TCERG1L: variants seen among roughly 807,000 people sequenced by gnomAD.
TCERG1L encodes transcription elongation regulator 1 like, also known as transcription elongation regulator 1-like protein.
Under a neutral mutation model 56.3 loss-of-function variants are expected in TCERG1L, and 37 were observed. The observed-to-expected ratio is 0.66, with a 90% CI of 0.51 to 0.87. The LOEUF is 0.87. TCERG1L is among the 40% of genes least tolerant of loss of function. The probability of loss-of-function intolerance (pLI) is 0.00; values close to 1 mark genes in which losing one functional copy is unlikely to be tolerated. For missense variants in TCERG1L, 799 were observed against 774.2 expected, an observed-to-expected ratio of 1.03 and a Z score of -0.38; for synonymous variants, 324 against 326.3, an observed-to-expected ratio of 0.99 and a Z score of 0.08.
intron 9 of TCERG1L, among the ~76,000 whole-genome samples, chr10:131,109,717 T>C (rs1443244129): frequency 2.6e-5 from 4 of 152,198 alleles, no homozygotes; most frequent in African/African-American, 9.7e-5. Context: ...GTTGTGCCCT[T>C]TCTTCCACTC....
rs147204742 is a variant in TCERG1L at position 131,093,268 on chromosome 10, C to T, written c.1655G>A (p.Arg552Gln). Residue 552 changes from arginine to glutamine, a missense_variant, in exon 12 of 12, where the codon CGA becomes CAA. Physicochemically the swap from Arg to Gln is conservative, Grantham distance 43. Coordinates refer to ENST00000368642, the MANE Select transcript of TCERG1L (RefSeq NM_174937.4). ...CTGGTCCTTTCTTTTTTGAACAAGT[C>T]GGAACCTCTGATCCCGGCCGTATTT... ...AEKYGRDQRF[R>Q]LVQKRKDQEH... The T allele has an allele frequency of 1.5e-4, 247 of 1,613,920 alleles. 1 individual carries two copies. In the East Asian group the frequency reaches 2.5e-3, roughly 16 times the overall value.
chr10:131,207,330 G>A (rs532045826), intron 4 of TCERG1L, among the ~76,000 whole-genome samples: 2 of 152,196 alleles, frequency 1.3e-5, no homozygotes, highest in Admixed American at 6.5e-5. Context: ...GGTTTCACGC[G>A]CAGGCCTGGT....
At chr10:131,266,641 A>C (rs1319143304) in intron 3 of TCERG1L, among the ~76,000 whole-genome samples, 1 of 152,116 alleles carries the variant, frequency 6.6e-6, no homozygotes, top group East Asian at 1.9e-4. Flanking sequence ...AGCAGAGAGG[A>C]GGCCCTGGAA....
intron 4 of TCERG1L, among the ~76,000 whole-genome samples, chr10:131,199,908 G>A (rs182211887): frequency 3.8e-4 from 58 of 152,288 alleles, no homozygotes; most frequent in African/African-American, 1.3e-3. Context: ...GTGTCCCGGC[G>A]GCTGCCCTCA....
intron 8 of TCERG1L, among the ~76,000 whole-genome samples, chr10:131,124,272 T>C (rs573803935): frequency 1.3e-5 from 2 of 152,268 alleles, no homozygotes; most frequent in Non-Finnish European, 2.9e-5. Flanking sequence ...ACTAGCATCC[T>C]ATGCAGCCGA....
At chr10:131,212,514 C>A (rs557590753) in intron 4 of TCERG1L, among the ~76,000 whole-genome samples, 9 of 152,240 alleles carry the variant, frequency 5.9e-5, no homozygotes, top group Non-Finnish European at 1.2e-4. Flanking sequence ...AATAATTAGG[C>A]CTTACCTAAA....
chr10:131,108,689 G>A (rs1845378657), intron 9 of TCERG1L, among the ~76,000 whole-genome samples: 1 of 152,208 alleles, frequency 6.6e-6, no homozygotes, highest in South Asian at 2.1e-4. Flanking sequence ...TGTGGGTCCT[G>A]AGTCCAGCAT....
chr10:131,195,295 T>G (rs1845346908), intron 4 of TCERG1L, among the ~76,000 whole-genome samples: 1 of 152,206 alleles, frequency 6.6e-6, no homozygotes, highest in Non-Finnish European at 1.5e-5. Flanking sequence ...GTCTTCCTTT[T>G]GCACCTGTGC....
chr10:131,142,797 C>G lies in TCERG1L; in HGVS notation c.1189+3709G>C, dbSNP rs1564800245. Reference sequence around the variant, plus strand: ...GCACGGGCCACAGATTCATGCCCCCCACCATTCCCAAGCAATGTCCACATC... The same window carrying G: ...GCACGGGCCACAGATTCATGCCCCCGACCATTCCCAAGCAATGTCCACATC... On this transcript the variant is annotated intron_variant, in intron 7 of 11. Coordinates refer to ENST00000368642, the MANE Select transcript of TCERG1L (RefSeq NM_174937.4). 2.0e-5 allele frequency among the ~76,000 whole-genome samples: 3 copies of G among 152,338 alleles called. No individual in the cohort carries two copies. The East Asian group carries it at 5.8e-4, about 29-fold the overall frequency.
intron 4 of TCERG1L, among the ~76,000 whole-genome samples, chr10:131,258,914 C>A (rs1314728450): frequency 6.6e-6 from 1 of 152,060 alleles, no homozygotes; most frequent in Non-Finnish European, 1.5e-5. Flanking sequence ...GTAAGTCACC[C>A]CTAATACATG....
intron 3 of TCERG1L, among the ~76,000 whole-genome samples, chr10:131,263,396 C>G (rs190805600): frequency 1.3e-5 from 2 of 152,326 alleles, no homozygotes; most frequent in Admixed American, 1.3e-4. Flanking sequence ...AACTCCCCCA[C>G]TGAACACTGT....
At chr10:131,096,532 T>C (rs1845248693) in intron 11 of TCERG1L, among the ~76,000 whole-genome samples, 1 of 152,206 alleles carries the variant, frequency 6.6e-6, no homozygotes, top group African/African-American at 2.4e-5. Context: ...GTCACCTAAT[T>C]CTTGATCAAC....
In TCERG1L at chr10:131,243,683, C is replaced by T. The variant is rs188176654; in HGVS notation, c.856+16576G>A. On this transcript the variant is annotated intron_variant, in intron 4 of 11. Transcript: ENST00000368642. ...AAACATGGTCCTGATGTGAGAGGCA[C>T]GTGACCAGACACCCTCTGTTCACCA... 1.4e-3 allele frequency among the ~76,000 whole-genome samples: 220 copies of T among 152,350 alleles called. 1 individual carries two copies. Among genetic ancestry groups the T allele is most frequent in the African/African-American group, 4.9e-3 (205 of 41,578 alleles).
intron 3 of TCERG1L, among the ~76,000 whole-genome samples, chr10:131,281,669 CT>C (rs1466987352): frequency 3.9e-5 from 6 of 152,278 alleles, no homozygotes; most frequent in Admixed American, 6.5e-5. Flanking sequence ...CACAGTCCCC[CT>C]GGCTACTCTC....
intron 4 of TCERG1L, among the ~76,000 whole-genome samples, chr10:131,167,584 C>G (rs1326339301): frequency 1.3e-5 from 2 of 152,226 alleles, no homozygotes; most frequent in Non-Finnish European, 2.9e-5. Context: ...TGTAGGACAA[C>G]AGAACCAGCC....
At chr10:131,165,199 T>A (rs1846018514) in intron 5 of TCERG1L, among the ~76,000 whole-genome samples, 1 of 152,086 alleles carries the variant, frequency 6.6e-6, no homozygotes, top group African/African-American at 2.4e-5. Context: ...CCAGAGTGAG[T>A]GGCCCATGTT....
At chr10:131,194,357 G>A (rs769800320) in intron 4 of TCERG1L, among the ~76,000 whole-genome samples, 31 of 152,172 alleles carry the variant, frequency 2.0e-4, no homozygotes, top group Non-Finnish European at 4.3e-4. Flanking sequence ...GATTAAAAAA[G>A]GCACCCGAAT....
intron 9 of TCERG1L, among the ~76,000 whole-genome samples, chr10:131,111,872 G>C (rs1038470675): frequency 2.1e-5 from 3 of 143,432 alleles, no homozygotes; most frequent in Non-Finnish European, 4.7e-5. Context: ...CCTTGCAGCT[G>C]CCAAATAAGA....
Position 131,311,309 on chromosome 10 carries a change from G to C in TCERG1L, c.327C>G (p.Pro109=). The C allele has an allele frequency of 8.3e-7, 1 of 1,206,606 alleles. No individual in the cohort carries two copies. The highest frequency in any genetic ancestry group is 1.0e-6 in the Non-Finnish European group (1 of 972,274). 74.7% of individuals were successfully genotyped at this position (1,206,606 alleles called of 1,614,324 possible). The part of the protein sequence containing the change: ...SAAAAAAHPF[P]ALHGQWLFGG... ...GACACGTTACCTGCCCGTGGAGCGC[G>C]GGGAAGGGGTGCGCGGCGGCGGCGG... The change falls in exon 1 of 12, where the codon CCC becomes CCG. Residue 109 remains proline (P), a synonymous_variant. Coordinates refer to ENST00000368642, the MANE Select transcript of TCERG1L (RefSeq NM_174937.4). The surrounding 1 kb of genome is among the most constrained non-coding windows in gnomAD (Gnocchi z 4.0).
Sources: gnomAD v4.1 joint callset for allele counts (sites outside exome capture counted in the v4.1 genomes callset) on GRCh38, gnomAD v4.1.1 for gene constraint, Gnocchi (gnomAD v3.1) non-coding constraint, MANE v1.5 for transcripts, NCBI Gene and HGNC (gene_info 2026-07-23, HGNC 2026-07-21) for gene names.